Variants in MPND observed in about 807,000 individuals in gnomAD.
MPND encodes the protein MPN domain-containing protein.
In MPND, 56 loss-of-function variants were observed where a neutral mutation model predicts 59.2. That is an observed-to-expected ratio of 0.95 (90% CI 0.76 to 1.18). The LOEUF is 1.18. Among genes scored for constraint, MPND ranks in the 50% most tolerant of loss-of-function variants. The pLI is 0.00. For missense variants in MPND, 671 were observed against 676.0 expected, an observed-to-expected ratio of 0.99 and a Z score of 0.08; for synonymous variants, 323 against 291.9, an observed-to-expected ratio of 1.11 and a Z score of -1.09.
At position 4,358,093 on chromosome 19, in the gene MPND, G is replaced by C. The variant is rs1177162232; in HGVS notation, c.1247G>C (p.Ser416Thr). The C allele has an allele frequency of 2.6e-6, 4 of 1,551,484 alleles. No individual in the cohort carries two copies. In the East Asian group the frequency reaches 9.8e-5, roughly 38 times the overall value. ...WVMPPPEQRP[S>T]DYGIPMDVEM... Reference sequence around the variant, plus strand: ...CTGTGTCCCTGCCAGCAAAGGCCCAGTGACTATGGCATCCCCATGGATGTG... The same window carrying C: ...CTGTGTCCCTGCCAGCAAAGGCCCACTGACTATGGCATCCCCATGGATGTG... Residue 416 changes from serine (S) to threonine (T), a missense_variant, in exon 11 of 13, where the codon AGT becomes ACT. By Grantham distance (58) the Ser-to-Thr change is moderately conservative. Transcript: ENST00000599840.
rs1001436868 is a variant in MPND, at chr19:4,356,911, A to C, written c.997-342A>C. On this transcript the variant is annotated intron_variant, in intron 8 of 12. Transcript: ENST00000599840. The stretch of plus-strand genomic sequence containing the variant: ...TGCCTCAGCCTCCCAAAGCACTGGG[A>C]TTATAGGCGTGAGCCACTGCTCCCA... 3.9e-5 allele frequency: 8 copies of C among 205,214 alleles called. No homozygotes were observed. The Admixed American group carries it at 4.2e-4, about 11-fold the overall frequency. 12.7% of individuals were successfully genotyped at this position (205,214 alleles called of 1,614,324 possible).
At chr19:4,359,862 C>G in intron 12 of MPND, 54 bp from the exon 13 acceptor site, 2 of 1,434,934 alleles carry the variant, frequency 1.4e-6, no homozygotes, top group Non-Finnish European at 1.9e-6. Flanking sequence ...CTGTGAGGCG[C>G]AGGGCTGGCT....
In MPND at chr19:4,357,237, G is replaced by A. The variant is rs1423190010; in HGVS notation, c.997-16G>A. On this transcript the variant is annotated splice_polypyrimidine_tract_variant and intron_variant, in intron 8 of 12. Transcript: ENST00000599840. ...TTCAGGCCCCTGTGCCCGCTGAGCT[G>A]CGCCTCTGTCCCCAGATCTACCAGA... is the stretch of plus-strand genomic sequence containing the variant. 6.4e-7 allele frequency: 1 copy of A among 1,569,964 alleles called. No individual in the cohort carries two copies.
chr19:4,352,938 A>G lies in MPND; in HGVS notation c.573A>G (p.Glu191=), dbSNP rs1972354274. The change falls in exon 4 of 13, where the codon GAA becomes GAG. Residue 191 remains glutamate, a synonymous_variant. Coordinates refer to ENST00000599840, the MANE Select transcript of MPND (RefSeq NM_001300862.2). ...SEGEEEELLM[E]EEEEDVLAGV... ...GGGAGGAGGAGGAGTTGCTGATGGA[A>G]GAGGAGGAGGAGGACGTTCTGGCAG... 2 of 1,399,888 alleles carry G rather than the reference A, an allele frequency of 1.4e-6. No individual in the cohort carries two copies. Among genetic ancestry groups the G allele is most frequent in the East Asian group, 5.5e-5 (2 of 36,484 alleles). The allele number at this position is 1,399,888 out of a possible 1,614,324, so 86.7% of individuals were successfully genotyped here. A position where few individuals can be genotyped will look rare whatever the true frequency, so the allele number is the denominator to read the frequency against.
In MPND at chr19:4,349,100, C is replaced by G. The variant is rs539529549; in HGVS notation, c.531+3119C>G. 1.9e-4 allele frequency: 32 copies of G among 170,516 alleles called. No individual in the cohort carries two copies. The South Asian group carries it at 3.3e-3, about 18-fold the overall frequency. The allele number at this position is 170,516 out of a possible 1,614,324, so 10.6% of individuals were successfully genotyped here. On this transcript the variant is annotated intron_variant, in intron 3 of 12. Coordinates refer to ENST00000599840, the MANE Select transcript of MPND (RefSeq NM_001300862.2). ...ATTCTGTTTTTGAGATGGAGTCTCG[C>G]TCTGTTGTCCAGGCTGGAGTGCAGT... is the stretch of plus-strand genomic sequence containing the variant.
chr19:4,349,233 G>GATTTTTGT (rs1972259436), intron 3 of MPND, among the ~76,000 whole-genome samples: 1 of 151,820 alleles, frequency 6.6e-6, no homozygotes, highest in Non-Finnish European at 1.5e-5. Context: ...AAGCTCAGCT[G>GATTTTTGT]ATTTTTGTAT....
chr19:4,345,334 A>G (rs1972163028), intron 2 of MPND, among the ~76,000 whole-genome samples: 1 of 152,306 alleles, frequency 6.6e-6, no homozygotes, highest in East Asian at 1.9e-4. Context: ...GGCGTGAACC[A>G]CTGCACCCAG....
intron 2 of MPND, 151 bp downstream of exon 2, chr19:4,344,145 G>A (rs1244346479): frequency 1.2e-5 from 6 of 518,204 alleles, no homozygotes; most frequent in Non-Finnish European, 1.7e-5. Flanking sequence ...CCGGTGTGGC[G>A]AGGGGAAACT....
chr19:4,350,137 G>A (rs150816512), intron 3 of MPND, among the ~76,000 whole-genome samples: 2 of 152,220 alleles, frequency 1.3e-5, no homozygotes, highest in East Asian at 1.9e-4. Flanking sequence ...AAGGTGGGGA[G>A]GGAGGGAGGG....
chr19:4,357,710 G>C, intron 10 of MPND, 125 bp downstream of exon 10: 1 of 923,956 alleles, frequency 1.1e-6, no homozygotes, highest in African/African-American at 1.7e-5. Context: ...CTCCATCTAT[G>C]AAATGGGGAC....
In MPND at chr19:4,353,043, G is replaced by A. The variant is rs1282069247; in HGVS notation, c.664+14G>A. 7.5e-7 allele frequency: 1 copy of A among 1,329,576 alleles called. No individual in the cohort carries two copies. Among genetic ancestry groups the A allele is most frequent in the Non-Finnish European group, 9.7e-7 (1 of 1,029,562 alleles). 82.4% of individuals were successfully genotyped at this position (1,329,576 alleles called of 1,614,324 possible). ...CTGCCCACCCGGGTGAGAGGCGTGGGGAGGGGAGGCAGGACAGGGGCGGAT... is the reference window on the plus strand; with the variant it reads ...CTGCCCACCCGGGTGAGAGGCGTGGAGAGGGGAGGCAGGACAGGGGCGGAT... On this transcript the variant is annotated intron_variant, in intron 4 of 12. Transcript: ENST00000599840.
intron 2 of MPND, among the ~76,000 whole-genome samples, chr19:4,345,393 G>T (rs1190465387): frequency 1.3e-5 from 2 of 152,146 alleles, no homozygotes; most frequent in African/African-American, 4.8e-5. Context: ...ATTTGTGAAT[G>T]GTAGCACATT....
In MPND at chr19:4,343,634, C is replaced by T. The variant is rs961812682; in HGVS notation, c.7+34C>T. The T allele has an allele frequency of 5.0e-6, 6 of 1,207,230 alleles. No homozygotes were observed. In the East Asian group the frequency reaches 1.0e-4, roughly 21 times the overall value. 74.8% of individuals were successfully genotyped at this position (1,207,230 alleles called of 1,614,324 possible). ...GGCCCAGCGGGGCGGAGGCGCGGGG[C>T]GCGGGGCTGCAGGGGCGCGGGGCTG... is the stretch of plus-strand genomic sequence containing the variant. On this transcript the variant is annotated intron_variant, in intron 1 of 12. Coordinates refer to ENST00000599840, the MANE Select transcript of MPND (RefSeq NM_001300862.2).
rs538796318 is a variant in MPND at position 4,346,890 on chromosome 19, C to T, written c.531+909C>T. Among the ~76,000 whole-genome samples the T allele has an allele frequency of 7.2e-5, 11 of 152,064 alleles. No individual in the cohort carries two copies. The East Asian group carries it at 9.9e-4, about 14-fold the overall frequency. On this transcript the variant is annotated intron_variant, in intron 3 of 12. Coordinates refer to ENST00000599840, the MANE Select transcript of MPND (RefSeq NM_001300862.2). ...ACTAAAAAGACAAAAATTAGCCAGG[C>T]GTGGTGGTGCACGCCTGTAGTCCCA... is the stretch of plus-strand genomic sequence containing the variant.
At chr19:4,346,592 T>C (rs1972191485) in intron 3 of MPND, among the ~76,000 whole-genome samples, 1 of 151,948 alleles carries the variant, frequency 6.6e-6, no homozygotes, top group Admixed American at 6.6e-5. Flanking sequence ...AATTTTTGGA[T>C]TTTTAGAAGA....
intron 11 of MPND, among the ~76,000 whole-genome samples, chr19:4,358,802 C>G (rs915995426): frequency 1.3e-5 from 2 of 152,182 alleles, no homozygotes; most frequent in African/African-American, 4.8e-5. Context: ...AAAAACCCAA[C>G]AAAACCTAAA....
intron 5 of MPND, 52 bp from the exon 6 acceptor site, chr19:4,354,272 A>G: frequency 6.6e-7 from 1 of 1,523,154 alleles, no homozygotes; most frequent in Non-Finnish European, 8.9e-7. Context: ...TGTGGGGGCG[A>G]GGGAAGAGCC....
chr19:4,352,845 G>C, intron 3 of MPND, 52 bp from the exon 4 acceptor site: 1 of 1,312,824 alleles, frequency 7.6e-7, no homozygotes, highest in African/African-American at 1.5e-5. Context: ...AGGGAGCGGG[G>C]GGGCACCCAG....
Position 4,359,962 on chromosome 19 carries a change from T to C in MPND, c.1466T>C (p.Val489Ala), listed in dbSNP as rs1452824913. ...CCCAAGGACCAGAGCCTGTGTCACG[T>C]CCTGGAACAGGTGTGCGGCGTCCTC... ...RTPKDQSLCH[V>A]LEQVCGVLKQ... The change falls in exon 13 of 13, where the codon GTC becomes GCC. Residue 489 changes from valine to alanine, a missense_variant. Coordinates refer to ENST00000599840, the MANE Select transcript of MPND (RefSeq NM_001300862.2). The C allele has an allele frequency of 5.1e-6, 8 of 1,575,346 alleles. No homozygotes were observed. Among genetic ancestry groups the C allele is most frequent in the Non-Finnish European group, 6.9e-6 (8 of 1,160,072 alleles).
Sources: allele counts gnomAD v4.1 joint callset (sites outside exome capture counted in the v4.1 genomes callset), GRCh38; gene constraint gnomAD v4.1.1; transcripts MANE v1.5; gene names NCBI Gene and HGNC (gene_info 2026-07-23, HGNC 2026-07-21).